Variants in ST6GALNAC3 observed in about 807,000 individuals in gnomAD.
The protein encoded by ST6GALNAC3 is alpha-N-acetylgalactosaminide alpha-2,6-sialyltransferase 3.
ST6GALNAC3 carries 25 observed loss-of-function variants against 32.7 expected under a neutral mutation model. The observed-to-expected ratio is 0.76, with a 90% CI of 0.56 to 1.07. The LOEUF (loss-of-function observed/expected upper bound fraction) is 1.07, where lower values mean the gene tolerates loss of function less well. Ranked by LOEUF, ST6GALNAC3 falls within the 50% of genes least tolerant of loss-of-function variation. The pLI, the probability that ST6GALNAC3 is intolerant of heterozygous loss-of-function variation, is 0.00. For missense variants in ST6GALNAC3, 355 were observed against 382.4 expected (o/e 0.93, Z 0.60); for synonymous variants, 129 against 133.1 (o/e 0.97, Z 0.21).
At chr1:76,350,234 C>T (rs1648863522) in intron 2 of ST6GALNAC3, among the ~76,000 whole-genome samples, 1 of 151,640 alleles carries the variant, frequency 6.6e-6, no homozygotes, top group Non-Finnish European at 1.5e-5. Context: ...CCTATGTTGC[C>T]CAGGCTGGTC....
At chr1:76,508,925 A>G (rs1661656211) in intron 3 of ST6GALNAC3, among the ~76,000 whole-genome samples, 1 of 152,224 alleles carries the variant, frequency 6.6e-6, no homozygotes, top group South Asian at 2.1e-4. Context: ...AGGATAAACC[A>G]GATGGTGAGT....
At chr1:76,288,443 G>A (rs1659900918) in intron 1 of ST6GALNAC3, among the ~76,000 whole-genome samples, 1 of 152,168 alleles carries the variant, frequency 6.6e-6, no homozygotes, top group Non-Finnish European at 1.5e-5. Flanking sequence ...TGTGTGCTGG[G>A]CTCTGGACAA....
intron 3 of ST6GALNAC3, among the ~76,000 whole-genome samples, chr1:76,475,651 C>T (rs1456759387): frequency 6.6e-6 from 1 of 152,088 alleles, no homozygotes; most frequent in Admixed American, 6.6e-5. Flanking sequence ...ATTAAGATTT[C>T]TCTCCTAGGG....
intron 1 of ST6GALNAC3, among the ~76,000 whole-genome samples, chr1:76,283,001 C>T (rs181902595): frequency 1.7e-4 from 26 of 152,100 alleles, no homozygotes; most frequent in Admixed American, 5.2e-4. Flanking sequence ...ATCAAGATCA[C>T]GCCACTGCAC....
At chr1:76,538,027 G>A (rs1476249008) in intron 3 of ST6GALNAC3, among the ~76,000 whole-genome samples, 1 of 152,202 alleles carries the variant, frequency 6.6e-6, no homozygotes, top group African/African-American at 2.4e-5. Context: ...TATGAAGCCA[G>A]CATCATCCTG....
chr1:76,576,116 T>A (rs184775083), intron 3 of ST6GALNAC3, among the ~76,000 whole-genome samples: 2 of 152,176 alleles, frequency 1.3e-5, no homozygotes, highest in East Asian at 3.9e-4. Context: ...CAGGGCCAGC[T>A]AGGGAAACCT....
At chr1:76,626,036 T>G (rs1474386554) in intron 3 of ST6GALNAC3, among the ~76,000 whole-genome samples, 2 of 151,916 alleles carry the variant, frequency 1.3e-5, no homozygotes, top group Admixed American at 6.6e-5. Flanking sequence ...GTTTGTGTTT[T>G]TCCTGAAATG....
intron 1 of ST6GALNAC3, among the ~76,000 whole-genome samples, chr1:76,089,686 A>G (rs1647017036): frequency 6.6e-6 from 1 of 152,120 alleles, no homozygotes; most frequent in Admixed American, 6.5e-5. Context: ...TACATTGTGG[A>G]TTTATGGCTC....
rs1201789723 is a variant in ST6GALNAC3 at position 76,509,924 on chromosome 1, A to G, written c.623+97507A>G. On this transcript the variant is annotated intron_variant, in intron 3 of 4. Coordinates refer to ENST00000328299, the MANE Select transcript of ST6GALNAC3 (RefSeq NM_152996.4). This position sits in a 1 kb window ranked among gnomAD's most constrained non-coding sequence, Gnocchi z 5.5. ...GAAGTCCTTTTTGGCATGTAAAGCAACATATTCACAGGTTTCAAGTATTAG... is the reference window on the plus strand; with the variant it reads ...GAAGTCCTTTTTGGCATGTAAAGCAGCATATTCACAGGTTTCAAGTATTAG... Among the ~76,000 whole-genome samples, 2 of 152,216 alleles carry G rather than the reference A, an allele frequency of 1.3e-5. No individual in the cohort carries two copies. The highest frequency in any genetic ancestry group is 2.9e-5 in the Non-Finnish European group (2 of 68,030).
At chr1:76,624,395 A>G (rs569874190) in intron 3 of ST6GALNAC3, among the ~76,000 whole-genome samples, 85 of 151,966 alleles carry the variant, frequency 5.6e-4, no homozygotes, top group African/African-American at 1.8e-3. Flanking sequence ...GCCACTAATG[A>G]CCATTGTATC....
chr1:76,329,652 C>A (rs1647149360), intron 2 of ST6GALNAC3, among the ~76,000 whole-genome samples: 4 of 152,014 alleles, frequency 2.6e-5, no homozygotes, highest in African/African-American at 9.7e-5. Flanking sequence ...TCTCATGAGT[C>A]CTTTTAACAC....
At chr1:76,219,199 T>C (rs1330453831) in intron 1 of ST6GALNAC3, among the ~76,000 whole-genome samples, 1 of 152,202 alleles carries the variant, frequency 6.6e-6, no homozygotes, top group Non-Finnish European at 1.5e-5. Flanking sequence ...TGCAGTTTGG[T>C]TCCCTGCATA....
At chr1:76,453,394 C>A (rs1160874411) in intron 3 of ST6GALNAC3, among the ~76,000 whole-genome samples, 1 of 152,070 alleles carries the variant, frequency 6.6e-6, no homozygotes, top group East Asian at 1.9e-4. Flanking sequence ...CTCTTTCAGA[C>A]TTTTTGATGT....
At chr1:76,261,275 T>C (rs1164786253) in intron 1 of ST6GALNAC3, among the ~76,000 whole-genome samples, 1 of 152,220 alleles carries the variant, frequency 6.6e-6, no homozygotes, top group Non-Finnish European at 1.5e-5. Context: ...TAGCCTTTTG[T>C]TGATTTGGAT....
intron 1 of ST6GALNAC3, among the ~76,000 whole-genome samples, chr1:76,189,593 C>T (rs1202980884): frequency 6.6e-6 from 1 of 152,052 alleles, no homozygotes; most frequent in Non-Finnish European, 1.5e-5. Context: ...CAGAAGCCAG[C>T]AAAGAGTAAA....
At chr1:76,215,058 G>A (rs1655378776) in intron 1 of ST6GALNAC3, among the ~76,000 whole-genome samples, 1 of 152,178 alleles carries the variant, frequency 6.6e-6, no homozygotes, top group African/African-American at 2.4e-5. Flanking sequence ...CTAGTAGAAT[G>A]TTGTGGAGTG....
At chr1:76,518,530 T>C (rs1662311540) in intron 3 of ST6GALNAC3, among the ~76,000 whole-genome samples, 1 of 152,156 alleles carries the variant, frequency 6.6e-6, no homozygotes, top group Non-Finnish European at 1.5e-5. Flanking sequence ...CTGCATTCCA[T>C]TTTTCTCACA....
chr1:76,191,355 A>T (rs1386510021), intron 1 of ST6GALNAC3, among the ~76,000 whole-genome samples: 2 of 152,056 alleles, frequency 1.3e-5, no homozygotes, highest in African/African-American at 4.8e-5. Flanking sequence ...AGTTACTAGG[A>T]TACTAGGAAT....
intron 1 of ST6GALNAC3, among the ~76,000 whole-genome samples, chr1:76,131,443 T>C (rs2100866481): frequency 6.6e-6 from 1 of 152,314 alleles, no homozygotes; most frequent in Non-Finnish European, 1.5e-5. Context: ...TTCCACAGGA[T>C]GCACATTGAT....
Sources: gnomAD v4.1 joint callset for allele counts (sites outside exome capture counted in the v4.1 genomes callset) on GRCh38, gnomAD v4.1.1 for gene constraint, Gnocchi (gnomAD v3.1) non-coding constraint, MANE v1.5 for transcripts, NCBI Gene and HGNC (gene_info 2026-07-23, HGNC 2026-07-21) for gene names.